The following ALG6 variants were observed in gnomAD, a reference collection of about 807,000 sequenced individuals.
ALG6 encodes ALG6 alpha-1,3-glucosyltransferase, also known as dolichyl pyrophosphate Man9GlcNAc2 alpha-1,3-glucosyltransferase.
ALG6 carries 46 observed loss-of-function variants against 66.6 expected under a neutral mutation model. The ratio of observed to expected loss-of-function variants is 0.69; its 90% CI spans 0.55 to 0.88. The LOEUF (loss-of-function observed/expected upper bound fraction) is 0.88. Ranked by LOEUF, ALG6 falls within the 40% of genes least tolerant of loss-of-function variation. ALG6 has a pLI of 0.00. For synonymous variants in ALG6, 185 were observed against 203.7 expected (o/e 0.91, Z 0.78); for missense variants, 505 against 586.8 (o/e 0.86, Z 1.44).
intron 3 of ALG6, among the ~76,000 whole-genome samples, chr1:63,398,715 T>G (rs142139086): frequency 0.082 from 12,446 of 152,166 alleles, 692 homozygotes; most frequent in Non-Finnish European, 0.11. Flanking sequence ...GACCTCGTGA[T>G]CCGCCCATCT....
chr1:63,428,337 A>C (rs1644627743), intron 12 of ALG6: 1 of 162,700 alleles, frequency 6.1e-6, no homozygotes, highest in African/African-American at 2.4e-5. Flanking sequence ...GTAATATGTA[A>C]CATGAAAGAA....
chr1:63,397,026 C>G (rs1452262944), intron 3 of ALG6, among the ~76,000 whole-genome samples: 1 of 151,752 alleles, frequency 6.6e-6, no homozygotes, highest in Non-Finnish European at 1.5e-5. Context: ...AAAAGGGGAC[C>G]AAAGGGAGAA....
intron 2 of ALG6, 77 bp from the exon 3 acceptor site, chr1:63,396,436 C>A: frequency 7.9e-7 from 1 of 1,272,034 alleles, no homozygotes; most frequent in Non-Finnish European, 1.1e-6. Flanking sequence ...CTAATTTAGA[C>A]AATTTTCATA....
rs781473515 is a variant in ALG6 at position 63,419,369 on chromosome 1, G to A, written c.988-1G>A. On this transcript the variant is annotated splice_acceptor_variant, in intron 11 of 14. Transcript: ENST00000263440. LOFTEE classifies it high-confidence loss of function. ...TCATTTCCCCCCCTTTTTTCTTAAA[G>A]GTTAGCTGTGCGCTATCATTCTTTT... is the stretch of plus-strand genomic sequence containing the variant. 1.9e-6 allele frequency: 3 copies of A among 1,606,696 alleles called. No individual in the cohort carries two copies. The highest frequency in any genetic ancestry group is 2.6e-6 in the Non-Finnish European group (3 of 1,176,012).
intron 14 of ALG6, among the ~76,000 whole-genome samples, chr1:63,436,587 G>A (rs1644679740): frequency 6.6e-6 from 1 of 152,110 alleles, no homozygotes; most frequent in Admixed American, 6.6e-5. Flanking sequence ...ATCACTTGGA[G>A]AGCTTTAAAA....
At chr1:63,422,238 T>TATATAAATATATATATTTATATAG (rs1362015204) in intron 12 of ALG6, among the ~76,000 whole-genome samples, 1 of 73,890 alleles carries the variant, frequency 1.4e-5, no homozygotes, top group Non-Finnish European at 2.4e-5. Flanking sequence ...TATAAATATA[T>TATATAAATATATATATTTATATAG]ATATAAATAT....
In ALG6 at chr1:63,381,334, G is replaced by T. The variant is rs2143836; in HGVS notation, c.82+10275G>T. Among the ~76,000 whole-genome samples, 1,431 of 152,210 alleles carry T rather than the reference G, an allele frequency of 9.4e-3. 22 individuals carry two copies. The highest frequency in any genetic ancestry group is 0.032 in the African/African-American group (1,321 of 41,496). Reference sequence around the variant, plus strand: ...CTGTGCGTGGTGGCGGGCGCCTGTAGTCCCAGCTACTAGGGAGGCTGAGGC... The same window carrying T: ...CTGTGCGTGGTGGCGGGCGCCTGTATTCCCAGCTACTAGGGAGGCTGAGGC... On this transcript the variant is annotated intron_variant, in intron 2 of 14. Transcript: ENST00000263440.
chr1:63,425,928 T>A (rs574763939), intron 12 of ALG6, among the ~76,000 whole-genome samples: 4 of 151,400 alleles, frequency 2.6e-5, no homozygotes, highest in Non-Finnish European at 5.9e-5. Flanking sequence ...ATTGTCGGAG[T>A]TGGAATATCC....
chr1:63,419,487 C>G (rs750613541), intron 12 of ALG6, 47 bp downstream of exon 12: 1 of 1,318,736 alleles, frequency 7.6e-7, no homozygotes, highest in Non-Finnish European at 1.1e-6. Flanking sequence ...TATAATATAA[C>G]TTTATAATTT....
intron 2 of ALG6, among the ~76,000 whole-genome samples, chr1:63,389,836 G>T (rs559455881): frequency 3.5e-4 from 54 of 152,270 alleles, no homozygotes; most frequent in Non-Finnish European, 6.0e-4. Flanking sequence ...GCTCATAGAG[G>T]TACCACTTTG....
At chr1:63,429,248 A>C in intron 14 of ALG6, 122 bp downstream of exon 14, 1 of 748,918 alleles carries the variant, frequency 1.3e-6, no homozygotes, top group South Asian at 1.8e-5. Context: ...CACTCATTTA[A>C]AGTATACAAC....
rs535229999 is a variant in ALG6 at position 63,391,759 on chromosome 1, A to AT, written c.83-4748dup. Among the ~76,000 whole-genome samples the AT allele has an allele frequency of 1.5e-4, 23 of 152,202 alleles. No homozygotes were observed. In the South Asian group the frequency reaches 4.6e-3, roughly 30 times the overall value. ...GGCTTATGTATATTATTGTAATTTG[A>AT]TTTTTTCTGAAATGTCTATCCCTTA... On this transcript the variant is annotated intron_variant, in intron 2 of 14. Transcript: ENST00000263440.
In ALG6 at chr1:63,437,223, G is replaced by A. The variant is rs1644689212; in HGVS notation, c.*203G>A. 4 of 522,900 alleles carry A rather than the reference G, an allele frequency of 7.6e-6. No homozygotes were observed. Among genetic ancestry groups the A allele is most frequent in the South Asian group, 2.1e-5 (1 of 47,652 alleles). 32.4% of individuals were successfully genotyped at this position (522,900 alleles called of 1,614,324 possible). On this transcript the variant is annotated 3_prime_UTR_variant, in exon 15 of 15. Transcript: ENST00000263440. Reference sequence around the variant, plus strand: ...CAAAGACCAATGGAGGCTTGTCTAAGTACTGCTTGGCCAAAACATGTGGTT... The same window carrying A: ...CAAAGACCAATGGAGGCTTGTCTAAATACTGCTTGGCCAAAACATGTGGTT...
rs115125772 is a variant in ALG6 at position 63,392,631 on chromosome 1, C to T, written c.83-3882C>T. On this transcript the variant is annotated intron_variant, in intron 2 of 14. Transcript: ENST00000263440. ...ATAGTTCAACAATTAATAAAATGAA[C>T]ATTTAAGTAGTGCTTAAGCCCATTT... is the stretch of plus-strand genomic sequence containing the variant. Among the ~76,000 whole-genome samples the T allele has an allele frequency of 5.9e-3, 895 of 152,210 alleles. 6 individuals are homozygous for T. Among genetic ancestry groups the T allele is most frequent in the Non-Finnish European group, 9.6e-3 (650 of 68,010 alleles).
chr1:63,380,941 A>T (rs1026467492), intron 2 of ALG6, among the ~76,000 whole-genome samples: 1 of 152,222 alleles, frequency 6.6e-6, no homozygotes, highest in Admixed American at 6.5e-5. Flanking sequence ...ATTGCACATT[A>T]GTAGATTATT....
rs141511876 is a variant in ALG6, at chr1:63,415,933, T to A, written c.963T>A (p.Ser321=). The A allele has an allele frequency of 3.3e-4, 531 of 1,611,526 alleles. No homozygotes were observed. The highest frequency in any genetic ancestry group is 4.3e-4 in the Non-Finnish European group (502 of 1,178,028). Residue 321 remains serine, a synonymous_variant, in exon 11 of 15, where the codon TCT becomes TCA. Coordinates refer to ENST00000263440, the MANE Select transcript of ALG6 (RefSeq NM_013339.4). ...PACIKLILQP[S]SKGFKFTLVS... is the part of the protein sequence containing the mutation. ...GCATAAAATTAATACTTCAGCCCTC[T>A]TCCAAAGGATTCAAATTTACACTGG...
rs1310156763 is a variant in ALG6 at position 63,400,349 on chromosome 1, GTA to G, written c.168-1895_168-1894del. 5.2e-4 allele frequency among the ~76,000 whole-genome samples: 47 copies of G among 90,148 alleles called. 5 individuals carry two copies. Among genetic ancestry groups the G allele is most frequent in the South Asian group, 2.4e-3 (8 of 3,336 alleles). The allele number at this position is 90,148 out of a possible 152,430, so 59.1% of individuals were successfully genotyped here. A position where few individuals can be genotyped will look rare whatever the true frequency, so the allele number is the denominator to read the frequency against. ...TATATATATATACGTATATATATAT[GTA>G]TATATATATGTATATATATGTATAT... On this transcript the variant is annotated intron_variant, in intron 3 of 14. Coordinates refer to ENST00000263440, the MANE Select transcript of ALG6 (RefSeq NM_013339.4).
At chr1:63,431,988 A>G (rs999971946) in intron 14 of ALG6, among the ~76,000 whole-genome samples, 1 of 152,122 alleles carries the variant, frequency 6.6e-6, no homozygotes, top group African/African-American at 2.4e-5. Flanking sequence ...GATGACTTTT[A>G]TCTTTTATTT....
At chr1:63,422,663 A>G (rs914399897) in intron 12 of ALG6, among the ~76,000 whole-genome samples, 1 of 151,486 alleles carries the variant, frequency 6.6e-6, no homozygotes, top group African/African-American at 2.4e-5. Context: ...AGGTAGGGTT[A>G]AGAAAAAATG....
Sources: gnomAD v4.1 joint callset for allele counts (sites outside exome capture counted in the v4.1 genomes callset) on GRCh38, gnomAD v4.1.1 for gene constraint, MANE v1.5 for transcripts, NCBI Gene and HGNC (gene_info 2026-07-23, HGNC 2026-07-21) for gene names.